The following PRKAG2 variants were observed in gnomAD, a reference collection of about 807,000 sequenced individuals.
PRKAG2 encodes the protein protein kinase AMP-activated non-catalytic subunit gamma 2.
In PRKAG2, 26 loss-of-function variants were observed where a neutral mutation model predicts 69.6. The ratio of observed to expected loss-of-function variants is 0.37; its 90% CI spans 0.27 to 0.52. PRKAG2 has a LOEUF of 0.52. Ranked by LOEUF, PRKAG2 falls within the 20% of genes least tolerant of loss-of-function variation. The probability of loss-of-function intolerance (pLI) is 0.90; values close to 1 mark genes in which losing one functional copy is unlikely to be tolerated. For synonymous variants in PRKAG2, 293 were observed against 285.0 expected (o/e 1.03, Z -0.28); for missense variants, 557 against 740.0 (o/e 0.75, Z 2.87).
chr7:151,867,644 G>A (rs1240759529), intron 1 of PRKAG2, among the ~76,000 whole-genome samples: 1 of 152,200 alleles, frequency 6.6e-6, no homozygotes, highest in Non-Finnish European at 1.5e-5. Context: ...GGTGCAGAGG[G>A]TGTGGGACTT....
At chr7:151,840,893 C>T (rs889336203) in intron 1 of PRKAG2, among the ~76,000 whole-genome samples, 5 of 152,340 alleles carry the variant, frequency 3.3e-5, no homozygotes, top group South Asian at 2.1e-4. Context: ...CAGCTACTTG[C>T]GACGCTGGGG....
chr7:151,646,101 G>T (rs966431483), intron 4 of PRKAG2, among the ~76,000 whole-genome samples: 5 of 152,072 alleles, frequency 3.3e-5, no homozygotes, highest in African/African-American at 1.2e-4. Context: ...GATTACTGTA[G>T]CTCTATAATA....
intron 3 of PRKAG2, among the ~76,000 whole-genome samples, chr7:151,773,203 A>T (rs1182396141): frequency 6.6e-6 from 1 of 150,426 alleles, no homozygotes; most frequent in Non-Finnish European, 1.5e-5. Flanking sequence ...AGAAGGAAAG[A>T]AAGAAAGGAA....
At chr7:151,631,675 C>A (rs933700236) in intron 5 of PRKAG2, 2 of 457,508 alleles carry the variant, frequency 4.4e-6, no homozygotes, top group East Asian at 1.4e-4. Flanking sequence ...GGGCACCAGT[C>A]TATGATTAAA....
chr7:151,801,218 G>GA (rs1292817595), intron 1 of PRKAG2, among the ~76,000 whole-genome samples: 4 of 152,110 alleles, frequency 2.6e-5, no homozygotes, highest in Non-Finnish European at 5.9e-5. Context: ...CTAGAACACA[G>GA]AGAAAGGTGC....
At chr7:151,856,266 G>C (rs1318475275) in intron 1 of PRKAG2, among the ~76,000 whole-genome samples, 1 of 152,226 alleles carries the variant, frequency 6.6e-6, no homozygotes, top group East Asian at 1.9e-4. Context: ...GCCAATGAGA[G>C]GTGTGGCAGG....
chr7:151,782,946 G>A (rs2076797661), intron 2 of PRKAG2, among the ~76,000 whole-genome samples: 3 of 152,252 alleles, frequency 2.0e-5, no homozygotes, highest in Admixed American at 1.3e-4. Context: ...CAGGACCAGG[G>A]CAGACGCGGG....
At chr7:151,824,176 G>C (rs2078856297) in intron 1 of PRKAG2, among the ~76,000 whole-genome samples, 1 of 152,184 alleles carries the variant, frequency 6.6e-6, no homozygotes, top group African/African-American at 2.4e-5. Context: ...AGGGCATGCC[G>C]TAAATCGCCC....
At chr7:151,680,975 G>T (rs1030593512) in intron 3 of PRKAG2, among the ~76,000 whole-genome samples, 2 of 152,226 alleles carry the variant, frequency 1.3e-5, no homozygotes, top group Non-Finnish European at 2.9e-5. Flanking sequence ...CTCCTTGCTA[G>T]TTCTTTGGGT....
chr7:151,851,875 C>A (rs2079576414), intron 1 of PRKAG2, among the ~76,000 whole-genome samples: 1 of 152,144 alleles, frequency 6.6e-6, no homozygotes. Context: ...ACTCAACTTC[C>A]CCAGGGGAGT....
At chr7:151,714,207 A>G (rs1383558301) in intron 3 of PRKAG2, among the ~76,000 whole-genome samples, 1 of 152,214 alleles carries the variant, frequency 6.6e-6, no homozygotes, top group Non-Finnish European at 1.5e-5. Context: ...GCACAGAGTC[A>G]GCGCTCATTA....
rs117009673 is a variant in PRKAG2, at chr7:151,781,648, G to A, written c.187-217C>T. On this transcript the variant is annotated intron_variant, in intron 2 of 15. Transcript: ENST00000287878. The surrounding 1 kb of genome is among the most constrained non-coding windows in gnomAD (Gnocchi z 6.1). ...GCCCCTCACAGGCTGGCAGCACCAC[G>A]TCCTGGAGGTCCACTGACCATCCTG... is the stretch of plus-strand genomic sequence containing the variant. 5.8e-3 allele frequency among the ~76,000 whole-genome samples: 880 copies of A among 152,278 alleles called. 19 individuals are homozygous for A. In the East Asian group the frequency reaches 0.086, roughly 15 times the overall value.
intron 1 of PRKAG2, among the ~76,000 whole-genome samples, chr7:151,851,110 C>T (rs1268362785): frequency 6.6e-6 from 1 of 152,064 alleles, no homozygotes; most frequent in African/African-American, 2.4e-5. Flanking sequence ...TTCTTAATGG[C>T]CTGGTAGGGA....
chr7:151,580,522 A>G (rs1362585266), intron 6 of PRKAG2, among the ~76,000 whole-genome samples: 1 of 152,180 alleles, frequency 6.6e-6, no homozygotes, highest in African/African-American at 2.4e-5. Flanking sequence ...ACTTATATAG[A>G]AGCAAAATAT....
At chr7:151,599,471 AG>A (rs1815455288) in intron 5 of PRKAG2, among the ~76,000 whole-genome samples, 2 of 152,294 alleles carry the variant, frequency 1.3e-5, no homozygotes, top group African/African-American at 4.8e-5. Context: ...AATCTAATCC[AG>A]ATGCTTTAGA....
At chr7:151,745,453 C>T (rs558355184) in intron 3 of PRKAG2, among the ~76,000 whole-genome samples, 2 of 152,196 alleles carry the variant, frequency 1.3e-5, no homozygotes, top group African/African-American at 2.4e-5. Flanking sequence ...GGCACCTCTG[C>T]GGAGCACCCT....
At chr7:151,866,708 G>A (rs2080087645) in intron 1 of PRKAG2, among the ~76,000 whole-genome samples, 3 of 152,172 alleles carry the variant, frequency 2.0e-5, no homozygotes, top group Admixed American at 1.3e-4. Context: ...ACCACCCCAT[G>A]GCTGCTGGCA....
intron 3 of PRKAG2, chr7:151,736,044 A>G: frequency 6.5e-7 from 1 of 1,535,162 alleles, no homozygotes; most frequent in Non-Finnish European, 8.7e-7. Context: ...CAGGACCCAC[A>G]GAACCGGTGT....
chr7:151,851,183 A>G (rs1262061325), intron 1 of PRKAG2, among the ~76,000 whole-genome samples: 1 of 152,206 alleles, frequency 6.6e-6, no homozygotes, highest in African/African-American at 2.4e-5. Context: ...GCCAGAGTTC[A>G]GCGTGGCTCT....
Sources: allele counts gnomAD v4.1 joint callset (sites outside exome capture counted in the v4.1 genomes callset), GRCh38; gene constraint gnomAD v4.1.1; non-coding constraint Gnocchi (gnomAD v3.1); transcripts MANE v1.5; gene names NCBI Gene and HGNC (gene_info 2026-07-23, HGNC 2026-07-21).